MYO1D: variants seen among roughly 807,000 people sequenced by gnomAD.
The protein encoded by MYO1D is unconventional myosin-Id.
MYO1D carries 83 observed loss-of-function variants against 122.0 expected under a neutral mutation model. The ratio of observed to expected loss-of-function variants is 0.68; its 90% CI spans 0.57 to 0.82. The LOEUF (loss-of-function observed/expected upper bound fraction) is 0.82. Among genes scored for constraint, MYO1D ranks in the 40% least tolerant of loss-of-function variants. The pLI is 0.00. For synonymous variants in MYO1D, 464 were observed against 446.9 expected (o/e 1.04, Z -0.48); for missense variants, 1,157 against 1,269.5 (o/e 0.91, Z 1.35).
intron 16 of MYO1D, among the ~76,000 whole-genome samples, chr17:32,676,858 TG>T (rs146596914): frequency 0.014 from 2,174 of 152,146 alleles, 56 homozygotes; most frequent in African/African-American, 0.05. Context: ...TCGCCCAGAC[TG>T]GAGTGCAGTG....
intron 1 of MYO1D, among the ~76,000 whole-genome samples, chr17:32,811,616 CTTTTTTTTTTTTTTTT>C (rs755189217): frequency 1.7e-5 from 1 of 57,502 alleles, no homozygotes; most frequent in African/African-American, 5.8e-5. Context: ...CCCTCACCCT[CTTTTTTTTTTTTTTTT>C]TTTTTTTTTT....
intron 10 of MYO1D, among the ~76,000 whole-genome samples, chr17:32,757,624 T>C (rs146275768): frequency 2.4e-4 from 37 of 152,296 alleles, no homozygotes; most frequent in African/African-American, 8.7e-4. Flanking sequence ...ATAGTTGACA[T>C]CTTAGACTTC....
chr17:32,767,099 A>G (rs1358276472), intron 7 of MYO1D, among the ~76,000 whole-genome samples: 1 of 152,230 alleles, frequency 6.6e-6, no homozygotes. Context: ...CTCTAATTAT[A>G]TAAATGTTAA....
Position 32,638,840 on chromosome 17 carries a change from A to G in MYO1D, c.2596-5T>C. On this transcript the variant is annotated splice_polypyrimidine_tract_variant and splice_region_variant and intron_variant, in intron 19 of 21. Coordinates refer to ENST00000318217, the MANE Select transcript of MYO1D (RefSeq NM_015194.3). Reference sequence around the variant, plus strand: ...CACCTTACTAAATCGATTTACCTGTAAGAGAACAAACCAATAAACCATAGT... The same window carrying G: ...CACCTTACTAAATCGATTTACCTGTGAGAGAACAAACCAATAAACCATAGT... 6.3e-7 allele frequency: 1 copy of G among 1,586,898 alleles called. No individual in the cohort carries two copies. The highest frequency in any genetic ancestry group is 8.7e-7 in the Non-Finnish European group (1 of 1,155,244).
intron 1 of MYO1D, among the ~76,000 whole-genome samples, chr17:32,867,613 A>G (rs1229258443): frequency 6.6e-6 from 1 of 151,848 alleles, no homozygotes; most frequent in Admixed American, 6.6e-5. Context: ...CCTGGCCAAC[A>G]TGGTGAAACC....
At position 32,765,028 on chromosome 17, in the gene MYO1D, T is replaced by C; in HGVS notation, c.885A>G (p.Lys295=). ...GCAATTCTGCTATGATAGATACTAC[T>C]TTGCCATTCTCAATAAGAGGCGTGT... ...DGDTPLIENG[K]VVSIIAELLS... Residue 295 remains lysine, a synonymous_variant, in exon 8 of 22, where the codon AAA becomes AAG. Transcript: ENST00000318217. The C allele has an allele frequency of 6.2e-7, 1 of 1,614,142 alleles. No homozygotes were observed. Among genetic ancestry groups the C allele is most frequent in the Non-Finnish European group, 8.5e-7 (1 of 1,180,014 alleles).
At chr17:32,776,432 A>C (rs2090173077) in intron 3 of MYO1D, among the ~76,000 whole-genome samples, 1 of 152,200 alleles carries the variant, frequency 6.6e-6, no homozygotes, top group Non-Finnish European at 1.5e-5. Flanking sequence ...GGATCAGCAC[A>C]CCTTACTATG....
intron 19 of MYO1D, among the ~76,000 whole-genome samples, chr17:32,646,435 G>T (rs2088295959): frequency 6.6e-6 from 1 of 151,790 alleles, no homozygotes; most frequent in East Asian, 1.9e-4. Context: ...AACAGAAGAA[G>T]ACCCTCTCTG....
intron 1 of MYO1D, among the ~76,000 whole-genome samples, chr17:32,857,584 C>CAA (rs563112277): frequency 0.011 from 1,138 of 107,780 alleles, 11 homozygotes; most frequent in South Asian, 0.02. Flanking sequence ...GACTCCACCT[C>CAA]AAAAAAAAAA....
intron 21 of MYO1D, among the ~76,000 whole-genome samples, chr17:32,550,720 G>A (rs981408110): frequency 6.6e-6 from 1 of 152,234 alleles, no homozygotes; most frequent in Non-Finnish European, 1.5e-5. Context: ...AGTGGGCCAC[G>A]CACTGTGGCT....
At chr17:32,539,120 T>G (rs1325030108) in intron 21 of MYO1D, among the ~76,000 whole-genome samples, 2 of 152,142 alleles carry the variant, frequency 1.3e-5, no homozygotes, top group African/African-American at 4.8e-5. Context: ...AATAAATAAA[T>G]AAATAAAATA....
intron 14 of MYO1D, among the ~76,000 whole-genome samples, chr17:32,726,809 A>G (rs891633814): frequency 3.3e-5 from 5 of 151,630 alleles, no homozygotes; most frequent in Non-Finnish European, 7.4e-5. Flanking sequence ...ATACATGACC[A>G]AATATATTTT....
intron 15 of MYO1D, 67 bp downstream of exon 15, chr17:32,720,956 C>T (rs746944653): frequency 7.6e-6 from 11 of 1,447,700 alleles, no homozygotes; most frequent in Non-Finnish European, 1.0e-5. Context: ...TGTGCTGATG[C>T]ACTATTGTAC....
At chr17:32,549,452 T>C (rs538821903) in intron 21 of MYO1D, among the ~76,000 whole-genome samples, 45 of 152,352 alleles carry the variant, frequency 3.0e-4, no homozygotes, top group African/African-American at 1.1e-3. Flanking sequence ...CAGGAATCCC[T>C]GGGCCACCTT....
chr17:32,660,963 T>C (rs2088557339), intron 16 of MYO1D, among the ~76,000 whole-genome samples: 2 of 152,216 alleles, frequency 1.3e-5, no homozygotes, highest in Admixed American at 6.5e-5. Flanking sequence ...TTTTCTTTTA[T>C]TGGGAGGAAT....
intron 21 of MYO1D, among the ~76,000 whole-genome samples, chr17:32,572,931 T>C (rs894145314): frequency 2.6e-5 from 4 of 152,102 alleles, no homozygotes; most frequent in African/African-American, 7.2e-5. Flanking sequence ...TATTTCAGCG[T>C]CTTCACAGCA....
chr17:32,779,665 T>C (rs138845637), intron 2 of MYO1D, among the ~76,000 whole-genome samples: 6 of 152,198 alleles, frequency 3.9e-5, no homozygotes, highest in African/African-American at 1.4e-4. Context: ...CATATAATTG[T>C]TTTTATTCTC....
intron 21 of MYO1D, among the ~76,000 whole-genome samples, chr17:32,587,106 C>A (rs749917222): frequency 5.9e-5 from 9 of 152,106 alleles, no homozygotes; most frequent in Non-Finnish European, 1.2e-4. Flanking sequence ...CTAGTTTTTC[C>A]AAGACTCATT....
intron 1 of MYO1D, among the ~76,000 whole-genome samples, chr17:32,813,641 G>A (rs1222724599): frequency 1.3e-5 from 2 of 152,188 alleles, no homozygotes; most frequent in Non-Finnish European, 2.9e-5. Flanking sequence ...GACAGTAACA[G>A]TAAAGGAAAG....
Sources: gnomAD v4.1 joint callset for allele counts (sites outside exome capture counted in the v4.1 genomes callset) on GRCh38, gnomAD v4.1.1 for gene constraint, MANE v1.5 for transcripts, NCBI Gene and HGNC (gene_info 2026-07-23, HGNC 2026-07-21) for gene names.